Variants in RAMP3 observed in about 807,000 individuals in gnomAD.
RAMP3 encodes receptor activity-modifying protein 3.
A neutral mutation model predicts 13.5 loss-of-function variants in RAMP3; 14 were observed. The observed-to-expected ratio is 1.04, with a 90% confidence interval of 0.69 to 1.63. RAMP3 has a LOEUF of 1.63. Among genes scored for constraint, RAMP3 ranks in the 40% most tolerant of loss-of-function variants. The pLI is 0.00. For synonymous variants in RAMP3, 106 were observed against 88.3 expected (o/e 1.20, Z -1.12); for missense variants, 200 against 204.8 (o/e 0.98, Z 0.14).
intron 1 of RAMP3, among the ~76,000 whole-genome samples, chr7:45,175,897 T>C (rs1786176694): frequency 6.6e-6 from 1 of 152,202 alleles, no homozygotes; most frequent in South Asian, 2.1e-4. Context: ...CGCTGTGTTC[T>C]GGTGGAGCAG....
At chr7:45,161,869 G>C (rs1189813582) in intron 1 of RAMP3, among the ~76,000 whole-genome samples, 1 of 152,146 alleles carries the variant, frequency 6.6e-6, no homozygotes, top group African/African-American at 2.4e-5. Context: ...ACAGGGTGGG[G>C]CTAGCCTGGC....
At chr7:45,177,518 C>T in intron 2 of RAMP3, 77 bp downstream of exon 2, 3 of 1,590,834 alleles carry the variant, frequency 1.9e-6, no homozygotes, top group Non-Finnish European at 2.6e-6. Context: ...TGACCACAGC[C>T]TGACCGCACT....
chr7:45,180,931 C>A (rs1786296683), intron 2 of RAMP3, among the ~76,000 whole-genome samples: 1 of 152,198 alleles, frequency 6.6e-6, no homozygotes, highest in Non-Finnish European at 1.5e-5. Context: ...TAGAGAAGCA[C>A]TGAATGTGGA....
chr7:45,165,974 G>A (rs1229906433), intron 1 of RAMP3, among the ~76,000 whole-genome samples: 1 of 152,152 alleles, frequency 6.6e-6, no homozygotes, highest in African/African-American at 2.4e-5. Flanking sequence ...TATGAATAAT[G>A]CTGTTATGAA....
rs1247096922 is a variant in RAMP3, at chr7:45,183,788, T to A, written c.*376T>A. 1 of 524,166 alleles carries A rather than the reference T, an allele frequency of 1.9e-6. No individual in the cohort carries two copies. The highest frequency in any genetic ancestry group is 3.4e-6 in the Non-Finnish European group (1 of 297,306). The allele number at this position is 524,166 out of a possible 1,614,324, so 32.5% of individuals were successfully genotyped here. On this transcript the variant is annotated 3_prime_UTR_variant, in exon 3 of 3. Transcript: ENST00000242249. ...ATCCAGCCTAGCCTTAGCCGCAGTC[T>A]AGGCCCTGCTTGGACTAGGACTCCT...
chr7:45,169,661 A>T (rs1214098805), intron 1 of RAMP3, among the ~76,000 whole-genome samples: 2 of 151,288 alleles, frequency 1.3e-5, no homozygotes, highest in Non-Finnish European at 2.9e-5. Flanking sequence ...CAGTAGCATC[A>T]CTCCCATCTC....
chr7:45,163,532 G>C, intron 1 of RAMP3: 3 of 985,354 alleles, frequency 3.0e-6, no homozygotes, highest in Non-Finnish European at 3.6e-6. Flanking sequence ...GCAGCCAGAG[G>C]GTCGTGGAGC....
At chr7:45,171,483 T>C (rs548279292) in intron 1 of RAMP3, among the ~76,000 whole-genome samples, 67 of 152,324 alleles carry the variant, frequency 4.4e-4, no homozygotes, top group African/African-American at 1.6e-3. Flanking sequence ...TTTTATTCCA[T>C]TGTGGTCAGA....
At chr7:45,172,578 C>A (rs556730836) in intron 1 of RAMP3, among the ~76,000 whole-genome samples, 12 of 152,170 alleles carry the variant, frequency 7.9e-5, no homozygotes, top group Non-Finnish European at 1.5e-4. Flanking sequence ...TTGGTTCAAG[C>A]GATTCTCATA....
rs111507059 is a variant in RAMP3 at position 45,169,662 on chromosome 7, C to A, written c.59-7647C>A. Reference sequence around the variant, plus strand: ...TGTTCCTTGGCTTGCAGTAGCATCACTCCCATCTCTGCCTCCATCTTCACA... The same window carrying A: ...TGTTCCTTGGCTTGCAGTAGCATCAATCCCATCTCTGCCTCCATCTTCACA... On this transcript the variant is annotated intron_variant, in intron 1 of 2. Coordinates refer to ENST00000242249, the MANE Select transcript of RAMP3 (RefSeq NM_005856.3). Among the ~76,000 whole-genome samples, 409 of 152,332 alleles carry A rather than the reference C, an allele frequency of 2.7e-3. 7 individuals carry two copies. The highest frequency in any genetic ancestry group is 9.6e-3 in the African/African-American group (397 of 41,564).
At chr7:45,175,513 C>A (rs989930073) in intron 1 of RAMP3, among the ~76,000 whole-genome samples, 1 of 152,192 alleles carries the variant, frequency 6.6e-6, no homozygotes, top group African/African-American at 2.4e-5. Flanking sequence ...CCAGCTGTGA[C>A]CCCCAGGGGC....
At chr7:45,177,996 G>C (rs1027431667) in intron 2 of RAMP3, among the ~76,000 whole-genome samples, 8 of 151,752 alleles carry the variant, frequency 5.3e-5, no homozygotes, top group Admixed American at 3.3e-4. Context: ...CAGTTTGCGG[G>C]TGGCCTGGCC....
At chr7:45,157,983 T>C in intron 1 of RAMP3, 97 bp downstream of exon 1, 17 of 1,170,112 alleles carry the variant, frequency 1.5e-5, no homozygotes, top group Non-Finnish European at 1.9e-5. Context: ...GCCGCGGTCC[T>C]TCCCTTGCCC....
intron 1 of RAMP3, among the ~76,000 whole-genome samples, chr7:45,175,477 A>T (rs1411547855): frequency 6.6e-6 from 1 of 152,154 alleles, no homozygotes; most frequent in Non-Finnish European, 1.5e-5. Context: ...ACCTGCTGGG[A>T]CCTGCAAGTC....
At chr7:45,176,459 A>C (rs1435954430) in intron 1 of RAMP3, among the ~76,000 whole-genome samples, 5 of 151,672 alleles carry the variant, frequency 3.3e-5, no homozygotes, top group East Asian at 1.9e-4. Flanking sequence ...ACACACACAC[A>C]CCCGAGACAC....
intron 1 of RAMP3, among the ~76,000 whole-genome samples, chr7:45,176,070 A>G (rs1043767750): frequency 1.3e-5 from 2 of 152,168 alleles, no homozygotes; most frequent in Non-Finnish European, 2.9e-5. Context: ...TATTGAGGGA[A>G]TGAATGAATG....
At chr7:45,174,566 G>T (rs1025455120) in intron 1 of RAMP3, among the ~76,000 whole-genome samples, 1 of 152,082 alleles carries the variant, frequency 6.6e-6, no homozygotes, top group East Asian at 1.9e-4. Flanking sequence ...TCCCCCTATA[G>T]CCACTGCACC....
rs2128658853 is a variant in RAMP3 at position 45,181,185 on chromosome 7, C to T, written c.192-1972C>T. On this transcript the variant is annotated intron_variant, in intron 2 of 2. Transcript: ENST00000242249. ...GTCCAGGGAGGATAAATGACATGGC[C>T]CATACCACAAAGATGGTGAGTGGCT... Among the ~76,000 whole-genome samples, 2 of 152,324 alleles carry T rather than the reference C, an allele frequency of 1.3e-5. 1 individual carries two copies. Among genetic ancestry groups the T allele is most frequent in the Admixed American group, 1.3e-4 (2 of 15,302 alleles).
At position 45,183,557 on chromosome 7, in the gene RAMP3, G is replaced by T. The variant is rs902355288; in HGVS notation, c.*145G>T. 36 of 1,241,560 alleles carry T rather than the reference G, an allele frequency of 2.9e-5. No individual in the cohort carries two copies. Among genetic ancestry groups the T allele is most frequent in the African/African-American group, 4.5e-5 (3 of 66,990 alleles). 76.9% of individuals were successfully genotyped at this position (1,241,560 alleles called of 1,614,324 possible). On this transcript the variant is annotated 3_prime_UTR_variant, in exon 3 of 3. Transcript: ENST00000242249. ...GGGCAGACCCCTCCCTTCCTGGGCT[G>T]ACCTGCTCCCTCGAGGCCAGCCTGC...
Sources: allele counts gnomAD v4.1 joint callset (sites outside exome capture counted in the v4.1 genomes callset), GRCh38; gene constraint gnomAD v4.1.1; transcripts MANE v1.5; gene names NCBI Gene and HGNC (gene_info 2026-07-23, HGNC 2026-07-21).